LIMCH1: variants seen among roughly 807,000 people sequenced by gnomAD.
LIMCH1 encodes the protein LIM and calponin homology domains-containing protein 1.
LIMCH1 carries 113 observed loss-of-function variants against 176.5 expected under a neutral mutation model. The ratio of observed to expected loss-of-function variants is 0.64; its 90% confidence interval spans 0.55 to 0.75. The LOEUF (loss-of-function observed/expected upper bound fraction) is 0.75. Among genes scored for constraint, LIMCH1 ranks in the 30% least tolerant of loss-of-function variants. LIMCH1 has a pLI of 0.00. For missense variants in LIMCH1, 1,674 were observed against 1,814.9 expected (o/e 0.92, Z 1.41); for synonymous variants, 619 against 645.9 (o/e 0.96, Z 0.63).
intron 2 of LIMCH1, among the ~76,000 whole-genome samples, chr4:41,517,404 T>G (rs144377587): frequency 6.6e-6 from 1 of 152,334 alleles, no homozygotes; most frequent in East Asian, 1.9e-4. Flanking sequence ...ACAGTACTGA[T>G]AGCACTGCTG....
chr4:41,557,546 C>CTGTGTGTGTGTGTGTGTGTGTGTG (rs34757433), intron 1 of LIMCH1, among the ~76,000 whole-genome samples: 10 of 147,842 alleles, frequency 6.8e-5, no homozygotes, highest in African/African-American at 2.2e-4. Context: ...TTTATTGCCT[C>CTGTGTGTGTGTGTGTGTGTGTGTG]TGTGTGTGTG....
chr4:41,636,843 T>G (rs529805885), intron 13 of LIMCH1, among the ~76,000 whole-genome samples: 1 of 152,328 alleles, frequency 6.6e-6, no homozygotes, highest in East Asian at 1.9e-4. Flanking sequence ...GTACATACTA[T>G]TTGAGTCTGT....
chr4:41,423,242 A>G (rs1448902407), intron 1 of LIMCH1, among the ~76,000 whole-genome samples: 2 of 152,188 alleles, frequency 1.3e-5, no homozygotes, highest in African/African-American at 2.4e-5. Context: ...GCTTGAAGCT[A>G]TAACTTTTCT....
chr4:41,447,703 A>G (rs551224470), intron 1 of LIMCH1, among the ~76,000 whole-genome samples: 1 of 152,312 alleles, frequency 6.6e-6, no homozygotes, highest in African/African-American at 2.4e-5. Flanking sequence ...TGTCTGTCTT[A>G]CCAACTTACC....
chr4:41,365,650 C>G (rs2052853432), intron 1 of LIMCH1, among the ~76,000 whole-genome samples: 1 of 152,194 alleles, frequency 6.6e-6, no homozygotes, highest in Admixed American at 6.5e-5. Context: ...ACTTTTCTGG[C>G]TAGATCAAGG....
intron 1 of LIMCH1, among the ~76,000 whole-genome samples, chr4:41,418,498 A>G (rs1317978781): frequency 6.6e-6 from 1 of 152,184 alleles, no homozygotes; most frequent in Non-Finnish European, 1.5e-5. Flanking sequence ...GTGCCAGTGA[A>G]GTCACCAGGC....
At chr4:41,646,461 T>C in intron 16 of LIMCH1, 24 bp from the exon 17 acceptor site, 1 of 1,598,034 alleles carries the variant, frequency 6.3e-7, no homozygotes, top group Middle Eastern at 1.7e-4. Flanking sequence ...TTGACTTTGT[T>C]ATTGCTTCTC....
intron 26 of LIMCH1, among the ~76,000 whole-genome samples, chr4:41,683,030 T>A (rs1240220592): frequency 6.6e-6 from 1 of 152,148 alleles, no homozygotes; most frequent in African/African-American, 2.4e-5. Context: ...AGGGGGGCAG[T>A]ATCAGTCTTC....
chr4:41,670,978 G>A, intron 21 of LIMCH1: 1 of 981,286 alleles, frequency 1.0e-6, no homozygotes, highest in Non-Finnish European at 1.2e-6. Flanking sequence ...TAGGAGGAGA[G>A]GAATCACACA....
intron 2 of LIMCH1, among the ~76,000 whole-genome samples, chr4:41,515,312 T>C (rs1166307880): frequency 6.6e-6 from 1 of 152,248 alleles, no homozygotes; most frequent in Middle Eastern, 3.2e-3. Context: ...AGCTTTTCTA[T>C]TGCCTTCCGC....
At chr4:41,580,927 T>C (rs2085302307) in intron 1 of LIMCH1, among the ~76,000 whole-genome samples, 1 of 152,164 alleles carries the variant, frequency 6.6e-6, no homozygotes, top group Admixed American at 6.5e-5. Flanking sequence ...AGGATGATTT[T>C]TCAGCAAAAT....
At chr4:41,612,449 G>T in intron 4 of LIMCH1, 1 of 681,684 alleles carries the variant, frequency 1.5e-6, no homozygotes, top group Admixed American at 2.1e-5. Flanking sequence ...CTCTGCCAGT[G>T]TTATCCACAG....
At chr4:41,381,197 C>T (rs1334537869) in intron 1 of LIMCH1, among the ~76,000 whole-genome samples, 1 of 152,192 alleles carries the variant, frequency 6.6e-6, no homozygotes, top group Non-Finnish European at 1.5e-5. Context: ...GAGTGATTCT[C>T]AGTCCCATAG....
At chr4:41,672,676 G>A (rs1165907027) in intron 22 of LIMCH1, among the ~76,000 whole-genome samples, 1 of 152,136 alleles carries the variant, frequency 6.6e-6, no homozygotes, top group Non-Finnish European at 1.5e-5. Flanking sequence ...GACATTCCTT[G>A]CTGCTGCATG....
chr4:41,646,034 A>G, intron 15 of LIMCH1, 89 bp from the exon 16 acceptor site: 1 of 1,328,334 alleles, frequency 7.5e-7, no homozygotes, highest in Admixed American at 2.2e-5. Context: ...TCAGTTCTCT[A>G]AAGAGTAGAA....
intron 3 of LIMCH1, 47 bp from the exon 4 acceptor site, chr4:41,605,847 C>T (rs567158293): frequency 1.5e-5 from 18 of 1,213,756 alleles, no homozygotes; most frequent in Admixed American, 5.2e-5. Context: ...TTAGTTTAAA[C>T]GTCATTCTTG....
chr4:41,616,203 A>G (rs1434892135), intron 5 of LIMCH1, among the ~76,000 whole-genome samples: 4 of 152,156 alleles, frequency 2.6e-5, no homozygotes, highest in Admixed American at 2.6e-4. Flanking sequence ...AGAGAAATCA[A>G]AGTGCTAGAG....
intron 1 of LIMCH1, among the ~76,000 whole-genome samples, chr4:41,547,861 G>GTATATATATATATATATA (rs746652816): frequency 1.2e-5 from 1 of 84,960 alleles, no homozygotes; most frequent in Non-Finnish European, 2.4e-5. Context: ...ATTTGTGTGT[G>GTATATATATATATATATA]TGTATATATA....
intron 1 of LIMCH1, among the ~76,000 whole-genome samples, chr4:41,398,716 C>G (rs779520420): frequency 3.3e-5 from 5 of 152,136 alleles, no homozygotes; most frequent in Non-Finnish European, 5.9e-5. Context: ...TAATCAATTC[C>G]AAAGCACACA....
Sources: allele counts gnomAD v4.1 joint callset (sites outside exome capture counted in the v4.1 genomes callset), GRCh38; gene constraint gnomAD v4.1.1; transcripts MANE v1.5; gene names NCBI Gene and HGNC (gene_info 2026-07-23, HGNC 2026-07-21).